The following PAPPA variants were observed in gnomAD, a reference collection of about 807,000 sequenced individuals.
PAPPA encodes the protein pappalysin-1.
A neutral mutation model predicts 164.0 loss-of-function variants in PAPPA; 60 were observed. The observed-to-expected ratio is 0.37, with a 90% CI of 0.30 to 0.45. The LOEUF is 0.45. Ranked by LOEUF, PAPPA falls within the 20% of genes least tolerant of loss-of-function variation. PAPPA has a pLI of 1.00. For missense variants in PAPPA, 1,782 were observed against 2,087.3 expected, an observed-to-expected ratio of 0.85 and a Z score of 2.85; for synonymous variants, 875 against 814.1, an observed-to-expected ratio of 1.07 and a Z score of -1.27.
chr9:116,395,432 G>A (rs193108654), intron 21 of PAPPA, among the ~76,000 whole-genome samples: 1 of 152,332 alleles, frequency 6.6e-6, no homozygotes, highest in Admixed American at 6.5e-5. Context: ...CAGGCAGGAG[G>A]CAAATGAGGT....
chr9:116,351,855 T>C (rs113008761), intron 15 of PAPPA, among the ~76,000 whole-genome samples: 68 of 152,314 alleles, frequency 4.5e-4, no homozygotes, highest in African/African-American at 1.3e-3. Flanking sequence ...CCCCGACATG[T>C]TTCCAGCCCT....
intron 12 of PAPPA, among the ~76,000 whole-genome samples, chr9:116,334,349 C>A (rs541810993): frequency 6.6e-6 from 1 of 152,148 alleles, no homozygotes; most frequent in Non-Finnish European, 1.5e-5. Flanking sequence ...CCCCTGCCCA[C>A]GATTCTCAAC....
rs764806482 is a variant in PAPPA, at chr9:116,362,726, T to C, written c.4482T>C (p.Asp1494=). 1 of 1,613,680 alleles carries C rather than the reference T, an allele frequency of 6.2e-7. No individual in the cohort carries two copies. The highest frequency in any genetic ancestry group is 1.7e-5 in the Admixed American group (1 of 59,960). The change falls in exon 18 of 22, where the codon GAT becomes GAC. Residue 1494 remains aspartate, a synonymous_variant. Coordinates refer to ENST00000328252, the MANE Select transcript of PAPPA (RefSeq NM_002581.5). ...LNSNLKLQCP[D]GYAIGSECAT... Reference sequence around the variant, plus strand: ...GCAACCTCAAACTGCAGTGCCCTGATGGCTATGCCATAGGTATGATGGGCC... The same window carrying C: ...GCAACCTCAAACTGCAGTGCCCTGACGGCTATGCCATAGGTATGATGGGCC...
chr9:116,342,915 C>T (rs1846157062), intron 13 of PAPPA, among the ~76,000 whole-genome samples: 1 of 152,180 alleles, frequency 6.6e-6, no homozygotes, highest in Admixed American at 6.5e-5. Context: ...TATTGCAAGG[C>T]ATCATCACCA....
intron 10 of PAPPA, 57 bp downstream of exon 10, chr9:116,303,007 C>T (rs1845598957): frequency 6.8e-7 from 1 of 1,465,490 alleles, no homozygotes; most frequent in East Asian, 2.3e-5. Flanking sequence ...TCCGCTATGC[C>T]CCACAAGGCT....
intron 4 of PAPPA, among the ~76,000 whole-genome samples, chr9:116,217,677 A>T (rs1293223448): frequency 6.6e-6 from 1 of 151,862 alleles, no homozygotes; most frequent in Non-Finnish European, 1.5e-5. Flanking sequence ...CACACACACT[A>T]TTTCCAATTC....
chr9:116,304,471 T>C (rs1170172068), intron 10 of PAPPA, among the ~76,000 whole-genome samples: 2 of 152,222 alleles, frequency 1.3e-5, no homozygotes, highest in African/African-American at 4.8e-5. Context: ...AACACTAGCA[T>C]CCAGTTCTTA....
chr9:116,265,437 A>G (rs944812478), intron 7 of PAPPA, among the ~76,000 whole-genome samples: 1 of 152,200 alleles, frequency 6.6e-6, no homozygotes, highest in Non-Finnish European at 1.5e-5. Context: ...ATGAGGAAAC[A>G]TGATCAGATA....
At chr9:116,315,425 G>C (rs1183750489) in intron 10 of PAPPA, among the ~76,000 whole-genome samples, 1 of 152,226 alleles carries the variant, frequency 6.6e-6, no homozygotes, top group Non-Finnish European at 1.5e-5. Context: ...CCAGCATCAA[G>C]AACAGGGCCT....
chr9:116,266,682 G>T (rs1280393067), intron 8 of PAPPA, among the ~76,000 whole-genome samples: 1 of 152,038 alleles, frequency 6.6e-6, no homozygotes, highest in Non-Finnish European at 1.5e-5. Flanking sequence ...TGGCAAACAG[G>T]GGTGAGGAGC....
intron 3 of PAPPA, among the ~76,000 whole-genome samples, chr9:116,208,097 C>T (rs1564184334): frequency 6.6e-6 from 1 of 152,188 alleles, no homozygotes; most frequent in Non-Finnish European, 1.5e-5. Flanking sequence ...ATGTTCCACC[C>T]ACCAACACCA....
chr9:116,378,938 C>T (rs1453376569), intron 20 of PAPPA, among the ~76,000 whole-genome samples: 3 of 152,152 alleles, frequency 2.0e-5, no homozygotes, highest in Non-Finnish European at 4.4e-5. Context: ...ACTTTAGGAA[C>T]CCCATTCTCT....
At chr9:116,331,426 C>T in intron 11 of PAPPA, 69 bp downstream of exon 11, 1 of 923,716 alleles carries the variant, frequency 1.1e-6, no homozygotes. Context: ...CTCCCATGAC[C>T]CTTTCTGAAG....
chr9:116,315,672 C>T (rs1389270203), intron 10 of PAPPA, among the ~76,000 whole-genome samples: 2 of 151,830 alleles, frequency 1.3e-5, no homozygotes, highest in Non-Finnish European at 2.9e-5. Flanking sequence ...ATGTGGTTCA[C>T]CTTCAGAGAG....
chr9:116,302,376 T>C (rs1845589959), intron 9 of PAPPA, among the ~76,000 whole-genome samples: 1 of 152,138 alleles, frequency 6.6e-6, no homozygotes, highest in Admixed American at 6.6e-5. Flanking sequence ...GAAAAGCAAC[T>C]CTCCATTTCC....
chr9:116,239,325 A>G (rs933085348), intron 7 of PAPPA, among the ~76,000 whole-genome samples: 1 of 152,070 alleles, frequency 6.6e-6, no homozygotes, highest in Non-Finnish European at 1.5e-5. Context: ...ACCAGTGCCA[A>G]CTCTGCTACA....
intron 2 of PAPPA, among the ~76,000 whole-genome samples, chr9:116,197,321 C>T (rs183482940): frequency 2.0e-5 from 3 of 152,282 alleles, no homozygotes; most frequent in South Asian, 4.2e-4. Context: ...ATATAAGAGA[C>T]AGTCTTTGCC....
intron 17 of PAPPA, among the ~76,000 whole-genome samples, chr9:116,354,184 A>C (rs1238492082): frequency 6.6e-6 from 1 of 152,198 alleles, no homozygotes; most frequent in Non-Finnish European, 1.5e-5. Context: ...AAAGGGGACC[A>C]TATTTAGATG....
At chr9:116,391,363 A>G (rs1348154463) in intron 21 of PAPPA, among the ~76,000 whole-genome samples, 1 of 152,150 alleles carries the variant, frequency 6.6e-6, no homozygotes, top group African/African-American at 2.4e-5. Flanking sequence ...AGGTGAAGTG[A>G]CCTGCCAGTG....
Sources: allele counts gnomAD v4.1 joint callset (sites outside exome capture counted in the v4.1 genomes callset), GRCh38; gene constraint gnomAD v4.1.1; transcripts MANE v1.5; gene names NCBI Gene and HGNC (gene_info 2026-07-23, HGNC 2026-07-21).